The following PRKD2 variants were observed in gnomAD, a reference collection of about 807,000 sequenced individuals.
PRKD2 encodes the protein serine/threonine-protein kinase D2.
A neutral mutation model predicts 86.0 loss-of-function variants in PRKD2; 22 were observed. The ratio of observed to expected loss-of-function variants is 0.26; its 90% CI spans 0.18 to 0.37. The LOEUF is 0.37. Among genes scored for constraint, PRKD2 ranks in the 10% least tolerant of loss-of-function variants. The pLI is 1.00. For missense variants in PRKD2, 818 were observed against 1,199.2 expected (o/e 0.68, Z 4.70); for synonymous variants, 509 against 510.9 (o/e 1.00, Z 0.05).
intron 3 of PRKD2, chr19:46,710,637 C>T (rs1204813864): frequency 2.2e-6 from 1 of 450,852 alleles, no homozygotes; most frequent in African/African-American, 1.9e-5. Context: ...CTTCTGCTCC[C>T]CTAGGCTCTG....
chr19:46,716,611 A>C lies in PRKD2; in HGVS notation c.-241T>G. 1 of 376,564 alleles carries C rather than the reference A, an allele frequency of 2.7e-6. No individual in the cohort carries two copies. The highest frequency in any genetic ancestry group is 4.7e-6 in the Non-Finnish European group (1 of 211,140). 23.3% of individuals were successfully genotyped at this position (376,564 alleles called of 1,614,324 possible). A position where few individuals can be genotyped will look rare whatever the true frequency, so the allele number is the denominator to read the frequency against. The stretch of plus-strand genomic sequence containing the variant: ...GCTCCCAGAAGATCAGAAAGGAGAA[A>C]AGTAGTGGGTTGGAGGTCCCAGCGA... On this transcript the variant is annotated 5_prime_UTR_variant, in exon 1 of 18. Coordinates refer to ENST00000291281, the MANE Select transcript of PRKD2 (RefSeq NM_016457.5). This position sits in a 1 kb window ranked among gnomAD's most constrained non-coding sequence, Gnocchi z 7.9.
At chr19:46,706,964 C>T (rs1235183993) in intron 3 of PRKD2, among the ~76,000 whole-genome samples, 1 of 149,720 alleles carries the variant, frequency 6.7e-6, no homozygotes, top group Non-Finnish European at 1.5e-5. Flanking sequence ...ATGATCTCGG[C>T]TCACTGCAAC....
Position 46,678,219 on chromosome 19 carries a change from C to T in PRKD2, c.2338+177G>A, listed in dbSNP as rs966123794. 12 of 1,033,502 alleles carry T rather than the reference C, an allele frequency of 1.2e-5. No homozygotes were observed. The highest frequency in any genetic ancestry group is 1.5e-5 in the Non-Finnish European group (11 of 729,010). The allele number at this position is 1,033,502 out of a possible 1,614,324, so 64.0% of individuals were successfully genotyped here. A position where few individuals can be genotyped will look rare whatever the true frequency, so the allele number is the denominator to read the frequency against. ...AGTCTAGGCCTGAGTCCCAGCCCAT[C>T]TTTTACAGGACGGCTCCTCCTGTAG... On this transcript the variant is annotated intron_variant, in intron 16 of 17. Coordinates refer to ENST00000291281, the MANE Select transcript of PRKD2 (RefSeq NM_016457.5). This position sits in a 1 kb window ranked among gnomAD's most constrained non-coding sequence, Gnocchi z 5.7.
intron 12 of PRKD2, 67 bp downstream of exon 12, chr19:46,691,668 G>C (rs142656264): frequency 2.0e-6 from 3 of 1,499,642 alleles, no homozygotes; most frequent in Admixed American, 1.7e-5. Flanking sequence ...CAGAAAGAAA[G>C]GGCTGGAGCC....
chr19:46,674,598 G>C lies in PRKD2; in HGVS notation c.2562C>G (p.Asp854Glu), dbSNP rs763388384. 12 of 1,610,704 alleles carry C rather than the reference G, an allele frequency of 7.5e-6. No homozygotes were observed. The highest frequency in any genetic ancestry group is 1.1e-5 in the South Asian group (1 of 91,060). Residue 854 changes from aspartate to glutamate, a missense_variant, in exon 18 of 18, where the codon GAC becomes GAG. Around this residue, in one of 5 missense-constraint regions of PRKD2, gnomAD observed 132 missense variants for 146.2 expected, o/e 0.90. Coordinates refer to ENST00000291281, the MANE Select transcript of PRKD2 (RefSeq NM_016457.5). ...HPLPGSGLPT[D>E]RDLGGACPPQ... The stretch of plus-strand genomic sequence containing the variant: ...GTGGACAGGCCCCACCGAGATCCCT[G>C]TCCGTGGGCAGCCCAGACCCAGGCA...
intron 5 of PRKD2, among the ~76,000 whole-genome samples, chr19:46,703,958 A>AACAACACACACACACACACACACACAC (rs1555830816): frequency 7.5e-6 from 1 of 133,742 alleles, no homozygotes; most frequent in Non-Finnish European, 1.6e-5. Flanking sequence ...AAACAACAAC[A>AACAACACACACACACACACACACACAC]ACACACACAC....
intron 1 of PRKD2, among the ~76,000 whole-genome samples, 186 bp downstream of exon 1, chr19:46,715,945 C>T (rs1326456472): frequency 6.6e-6 from 1 of 152,248 alleles, no homozygotes; most frequent in Non-Finnish European, 1.5e-5. Flanking sequence ...CCACCCCTGC[C>T]CAGTCCTCTC....
chr19:46,687,381 G>C (rs2053416171), intron 14 of PRKD2, among the ~76,000 whole-genome samples: 1 of 149,208 alleles, frequency 6.7e-6, no homozygotes, highest in Non-Finnish European at 1.5e-5. Flanking sequence ...GACAGAGCGA[G>C]ACCCTGTCTC....
intron 16 of PRKD2, 28 bp from the exon 17 acceptor site, chr19:46,675,146 C>T (rs1354671134): frequency 6.3e-7 from 1 of 1,584,442 alleles, no homozygotes; most frequent in African/African-American, 1.3e-5. Context: ...ACAGGTCAAG[C>T]CCTACAGGTC....
At position 46,710,471 on chromosome 19, in the gene PRKD2, C is replaced by T. The variant is rs1033658887; in HGVS notation, c.511+436G>A. The T allele has an allele frequency of 5.7e-5, 9 of 158,514 alleles. No individual in the cohort carries two copies. The South Asian group carries it at 1.4e-3, about 25-fold the overall frequency. 9.8% of individuals were successfully genotyped at this position (158,514 alleles called of 1,614,324 possible). ...CCAAAGTGCTGGGATTACTGGCCTC[C>T]CCCACTGTGCCCAGCCAGATTTGAG... is the stretch of plus-strand genomic sequence containing the variant. On this transcript the variant is annotated intron_variant, in intron 3 of 17. Coordinates refer to ENST00000291281, the MANE Select transcript of PRKD2 (RefSeq NM_016457.5).
At position 46,675,071 on chromosome 19, in the gene PRKD2, A is replaced by G; in HGVS notation, c.2386T>C (p.Tyr796His). 6.2e-7 allele frequency: 1 copy of G among 1,611,592 alleles called. No homozygotes were observed. Among genetic ancestry groups the G allele is most frequent in the Non-Finnish European group, 8.5e-7 (1 of 1,178,730 alleles). The change falls in exon 17 of 18, where the codon TAC becomes CAC. Residue 796 changes from tyrosine to histidine, a missense_variant. Physicochemically the swap from Tyr to His is moderately conservative, Grantham distance 83 (BLOSUM62 2). Transcript: ENST00000291281. ...TGGCTGAGAGATTTGTCCACGCTGTAGCGTTTGCGCATCTTCACCTGCAGC... is the reference window on the plus strand; with the variant it reads ...TGGCTGAGAGATTTGTCCACGCTGTGGCGTTTGCGCATCTTCACCTGCAGC... ...NLLQVKMRKR[Y>H]SVDKSLSHPW...
intron 7 of PRKD2, among the ~76,000 whole-genome samples, chr19:46,699,362 G>T (rs1460413950): frequency 6.6e-6 from 1 of 152,168 alleles, no homozygotes; most frequent in Non-Finnish European, 1.5e-5. Flanking sequence ...TTTATTAGCT[G>T]TCTCCCCACT....
Position 46,693,762 on chromosome 19 carries a change from T to C in PRKD2, c.1576+113A>G, listed in dbSNP as rs575582089. Reference sequence around the variant, plus strand: ...ACCCAGGCCTGCTGAGTCCAGAAGCTGCGTTCTCAACCCCACCATTGCCCA... The same window carrying C: ...ACCCAGGCCTGCTGAGTCCAGAAGCCGCGTTCTCAACCCCACCATTGCCCA... On this transcript the variant is annotated intron_variant, in intron 10 of 17. Coordinates refer to ENST00000291281, the MANE Select transcript of PRKD2 (RefSeq NM_016457.5). This position sits in a 1 kb window ranked among gnomAD's most constrained non-coding sequence, Gnocchi z 4.5. 9 of 1,423,408 alleles carry C rather than the reference T, an allele frequency of 6.3e-6. No individual in the cohort carries two copies. Among genetic ancestry groups the C allele is most frequent in the Admixed American group, 2.2e-5 (1 of 44,922 alleles). The allele number at this position is 1,423,408 out of a possible 1,614,324, so 88.2% of individuals were successfully genotyped here.
At chr19:46,688,779 T>TTTTC (rs1303952443) in intron 14 of PRKD2, 2 of 152,052 alleles carry the variant, frequency 1.3e-5, no homozygotes, top group African/African-American at 2.4e-5. Flanking sequence ...TATTTTTCTT[T>TTTTC]TTTCTTTCTT....
intron 2 of PRKD2, among the ~76,000 whole-genome samples, chr19:46,712,243 CA>C (rs2053820242): frequency 7.2e-6 from 1 of 139,074 alleles, no homozygotes; most frequent in Non-Finnish European, 1.6e-5. Context: ...GACCCTGCCT[CA>C]AAACAAAATA....
At chr19:46,683,789 G>A (rs1048809021) in intron 14 of PRKD2, among the ~76,000 whole-genome samples, 3 of 152,078 alleles carry the variant, frequency 2.0e-5, no homozygotes, top group East Asian at 1.9e-4. Flanking sequence ...CATGTAAAAC[G>A]CTTAGGATAG....
intron 2 of PRKD2, 42 bp downstream of exon 2, chr19:46,713,821 C>A: frequency 7.3e-7 from 1 of 1,368,018 alleles, no homozygotes. Context: ...ATGCCCCGCC[C>A]CCACCCGAGG....
At chr19:46,694,484 A>G (rs967319935) in intron 9 of PRKD2, among the ~76,000 whole-genome samples, 4 of 152,008 alleles carry the variant, frequency 2.6e-5, no homozygotes, top group Non-Finnish European at 5.9e-5. Context: ...AATCCCAGCT[A>G]ATCGGGAGGC....
At chr19:46,697,947 G>A in intron 7 of PRKD2, 97 bp from the exon 8 acceptor site, 3 of 956,122 alleles carry the variant, frequency 3.1e-6, no homozygotes, top group Admixed American at 1.9e-5. Context: ...GGGAGTTGGG[G>A]ACTGTTTTTG....
Sources: allele counts gnomAD v4.1 joint callset (sites outside exome capture counted in the v4.1 genomes callset), GRCh38; gene constraint gnomAD v4.1.1; regional missense constraint gnomAD v4.1.1; non-coding constraint Gnocchi (gnomAD v3.1); transcripts MANE v1.5; gene names NCBI Gene and HGNC (gene_info 2026-07-23, HGNC 2026-07-21).